Variants in KAT6A observed in about 807,000 individuals in gnomAD.
KAT6A encodes the protein histone acetyltransferase KAT6A.
KAT6A carries 9 observed loss-of-function variants against 198.4 expected under a neutral mutation model. The observed-to-expected ratio is 0.05, with a 90% confidence interval of 0.03 to 0.08. KAT6A has a LOEUF of 0.08. Ranked by LOEUF, KAT6A falls within the 10% of genes least tolerant of loss-of-function variation. KAT6A has a pLI of 1.00. For synonymous variants in KAT6A, 890 were observed against 883.0 expected (o/e 1.01, Z -0.14); for missense variants, 2,077 against 2,509.9 (o/e 0.83, Z 3.69).
At chr8:41,989,523 A>AACGTAACGTGACGTGACGTG (rs1460453256) in intron 2 of KAT6A, among the ~76,000 whole-genome samples, 1 of 144,418 alleles carries the variant, frequency 6.9e-6, no homozygotes, top group Admixed American at 6.9e-5. Flanking sequence ...AAAATAACAT[A>AACGTAACGTGACGTGACGTG]ACGTAACGTG....
intron 14 of KAT6A, chr8:41,942,367 A>G (rs1822182247): frequency 8.2e-6 from 2 of 244,580 alleles, no homozygotes; most frequent in Non-Finnish European, 1.6e-5. Context: ...GGTTGTCCTG[A>G]ACTCCTAATC....
intron 7 of KAT6A, among the ~76,000 whole-genome samples, chr8:41,975,350 TATG>T (rs1368803413): frequency 2.6e-5 from 4 of 152,204 alleles, no homozygotes; most frequent in Non-Finnish European, 5.9e-5. Context: ...TATGAAAACG[TATG>T]ATAATTATCT....
rs527476656 is a variant in KAT6A at position 42,004,351 on chromosome 8, A to C, written c.601-16788T>G. The stretch of plus-strand genomic sequence containing the variant: ...TCAGGAAAAAAAGAAGTAGGAGCAC[A>C]CTTATTTTTTAAGTAACTACATAAA... On this transcript the variant is annotated intron_variant, in intron 2 of 16. Coordinates refer to ENST00000265713, the MANE Select transcript of KAT6A (RefSeq NM_006766.5). Among the ~76,000 whole-genome samples the C allele has an allele frequency of 1.1e-4, 16 of 152,334 alleles. No homozygotes were observed. The South Asian group carries it at 3.3e-3, about 32-fold the overall frequency.
chr8:41,969,841 C>T (rs866759687), intron 8 of KAT6A, among the ~76,000 whole-genome samples: 1 of 152,142 alleles, frequency 6.6e-6, no homozygotes, highest in South Asian at 2.1e-4. Context: ...TTATCAACCT[C>T]TTTCACACCC....
In KAT6A at chr8:42,044,350, C is replaced by T. The variant is rs145778166; in HGVS notation, c.600+4028G>A. Among the ~76,000 whole-genome samples, 984 of 152,152 alleles carry T rather than the reference C, an allele frequency of 6.5e-3. 2 individuals are homozygous for T. The highest frequency in any genetic ancestry group is 9.3e-3 in the Non-Finnish European group (631 of 67,978). Reference sequence around the variant, plus strand: ...CTGACCTCAGGTGATCCACCCCCCCCTCGGCATCCCAAAGTGCTGGGATTA... The same window carrying T: ...CTGACCTCAGGTGATCCACCCCCCCTTCGGCATCCCAAAGTGCTGGGATTA... On this transcript the variant is annotated intron_variant, in intron 2 of 16. Coordinates refer to ENST00000265713, the MANE Select transcript of KAT6A (RefSeq NM_006766.5).
Position 42,049,055 on chromosome 8 carries a change from G to A in KAT6A, c.-78C>T. 2 of 1,439,892 alleles carry A rather than the reference G, an allele frequency of 1.4e-6. No individual in the cohort carries two copies. The highest frequency in any genetic ancestry group is 1.9e-6 in the Non-Finnish European group (2 of 1,071,484). The allele number at this position is 1,439,892 out of a possible 1,614,324, so 89.2% of individuals were successfully genotyped here. A position where few individuals can be genotyped will look rare whatever the true frequency, so the allele number is the denominator to read the frequency against. On this transcript the variant is annotated 5_prime_UTR_variant, in exon 2 of 17. Transcript: ENST00000265713. ...GTAAGTTTTACACCATGGAAAACAA[G>A]ATTCTCGGAGGCTGGGAACCAGTTA...
rs1350016066 is a variant in KAT6A, at chr8:41,937,513, C to T, written c.3095G>A (p.Ser1032Asn). ...RVRKRKHHNS[S>N]VVTETISETT... is the part of the protein sequence containing the mutation. ...CTCAGAAATAGTTTCTGTGACTACA[C>T]TGCTATTGTGGTGTTTGCGCTTTCG... Residue 1032 changes from serine to asparagine, a missense_variant, in exon 16 of 17, where the codon AGT (serine) becomes AAT (asparagine). This residue lies in a region of KAT6A where 19 missense variants were observed against 40.5 expected (regional missense o/e 0.47). Transcript: ENST00000265713. The T allele has an allele frequency of 6.2e-7, 1 of 1,614,150 alleles. No individual in the cohort carries two copies. Among genetic ancestry groups the T allele is most frequent in the East Asian group, 2.2e-5 (1 of 44,878 alleles).
Position 41,934,500 on chromosome 8 carries a change from CTCACCCTCTTCAGCCTCTTCT to C in KAT6A, c.3699_3719del (p.Ala1236_Glu1242del), listed in dbSNP as rs1821747661. On this transcript the variant is annotated inframe_deletion, in exon 17 of 17. Coordinates refer to ENST00000265713, the MANE Select transcript of KAT6A (RefSeq NM_006766.5). ...CTTCACTGCTGGCTGCATCCTCTTCCTCACCCTCTTCAGCCTCTTCTGCCTCTGCTTGCATCTCCTCCTCCT... is the reference window on the plus strand; with the variant it reads ...CTTCACTGCTGGCTGCATCCTCTTCCGCCTCTGCTTGCATCTCCTCCTCCT... 6.2e-7 allele frequency: 1 copy of C among 1,612,752 alleles called. No individual in the cohort carries two copies. Among genetic ancestry groups the C allele is most frequent in the Admixed American group, 1.7e-5 (1 of 59,660 alleles).
intron 2 of KAT6A, among the ~76,000 whole-genome samples, chr8:42,045,139 T>C (rs1399681263): frequency 1.3e-5 from 2 of 152,224 alleles, no homozygotes; most frequent in African/African-American, 2.4e-5. Flanking sequence ...TTTAAAAATA[T>C]AGAACAGAGC....
At chr8:41,935,929 T>C (rs984730323) in intron 16 of KAT6A, among the ~76,000 whole-genome samples, 2 of 152,256 alleles carry the variant, frequency 1.3e-5, no homozygotes, top group Admixed American at 6.5e-5. Context: ...GAATCATTCA[T>C]GATAGAGCAA....
chr8:41,977,815 A>G (rs1824136455), intron 6 of KAT6A, among the ~76,000 whole-genome samples: 1 of 152,196 alleles, frequency 6.6e-6, no homozygotes, highest in Non-Finnish European at 1.5e-5. Flanking sequence ...TAGGAAAATC[A>G]AAGCTTGATT....
At chr8:42,012,241 C>T (rs1456121546) in intron 2 of KAT6A, among the ~76,000 whole-genome samples, 2 of 152,188 alleles carry the variant, frequency 1.3e-5, no homozygotes, top group Non-Finnish European at 2.9e-5. Context: ...CCCAGCAACA[C>T]ACCTCCTAGG....
intron 2 of KAT6A, among the ~76,000 whole-genome samples, chr8:42,034,250 T>TA (rs1206918308): frequency 1.3e-5 from 2 of 152,208 alleles, no homozygotes; most frequent in African/African-American, 4.8e-5. Context: ...CTGGAGGACT[T>TA]ACTAACATAC....
intron 2 of KAT6A, among the ~76,000 whole-genome samples, chr8:42,019,298 T>G (rs552141312): frequency 6.6e-6 from 1 of 152,210 alleles, no homozygotes; most frequent in Non-Finnish European, 1.5e-5. Flanking sequence ...AAGATTCTTA[T>G]GTGCCAGGAA....
chr8:42,010,901 G>A (rs940695227), intron 2 of KAT6A, among the ~76,000 whole-genome samples: 1 of 152,104 alleles, frequency 6.6e-6, no homozygotes, highest in South Asian at 2.1e-4. Flanking sequence ...AGAAGGATAC[G>A]AGTCCTAAAA....
intron 7 of KAT6A, among the ~76,000 whole-genome samples, chr8:41,975,918 T>C (rs1017234393): frequency 5.9e-5 from 9 of 152,226 alleles, no homozygotes; most frequent in African/African-American, 1.9e-4. Flanking sequence ...TGAGATTCTT[T>C]CCTAGTTTAA....
chr8:42,040,735 CAAAAAAAAAAAAAA>C (rs59959496), intron 2 of KAT6A, among the ~76,000 whole-genome samples: 1 of 54,666 alleles, frequency 1.8e-5, no homozygotes, highest in Non-Finnish European at 3.3e-5. Flanking sequence ...GACTCTGTCT[CAAAAAAAAAAAAAA>C]AAAAAAAAAA....
At chr8:41,977,379 G>A in intron 6 of KAT6A, 52 bp from the exon 7 acceptor site, 1 of 1,356,740 alleles carries the variant, frequency 7.4e-7, no homozygotes, top group South Asian at 1.4e-5. Context: ...TACTTGTAAG[G>A]TTCCTTTTTA....
At chr8:42,018,824 G>A (rs974610244) in intron 2 of KAT6A, among the ~76,000 whole-genome samples, 1 of 151,944 alleles carries the variant, frequency 6.6e-6, no homozygotes, top group Non-Finnish European at 1.5e-5. Context: ...GGGAGGCTGA[G>A]GCCGGAGAAT....
Sources: gnomAD v4.1 joint callset for allele counts (sites outside exome capture counted in the v4.1 genomes callset) on GRCh38, gnomAD v4.1.1 for gene constraint, gnomAD v4.1.1 regional missense constraint, MANE v1.5 for transcripts, NCBI Gene and HGNC (gene_info 2026-07-23, HGNC 2026-07-21) for gene names.